The following ATP2B1 variants were observed in gnomAD, a reference collection of about 807,000 sequenced individuals.
ATP2B1 encodes the protein plasma membrane calcium-transporting ATPase 1.
Under a neutral mutation model 124.2 loss-of-function variants are expected in ATP2B1, and 14 were observed. That is an observed-to-expected ratio of 0.11 (90% confidence interval 0.07 to 0.18). ATP2B1 has a LOEUF of 0.18. Among genes scored for constraint, ATP2B1 ranks in the 10% least tolerant of loss-of-function variants. The pLI, the probability that ATP2B1 is intolerant of heterozygous loss-of-function variation, is 1.00. For synonymous variants in ATP2B1, 449 were observed against 492.4 expected (o/e 0.91, Z 1.17); for missense variants, 763 against 1,466.1 (o/e 0.52, Z 7.83).
At chr12:89,701,106 C>A (rs1296190289) in intron 1 of ATP2B1, among the ~76,000 whole-genome samples, 1 of 152,190 alleles carries the variant, frequency 6.6e-6, no homozygotes, top group Non-Finnish European at 1.5e-5. Flanking sequence ...CATTGCTATA[C>A]TCTAATACAG....
At chr12:89,660,408 A>T (rs142838640) in intron 1 of ATP2B1, among the ~76,000 whole-genome samples, 30 of 152,330 alleles carry the variant, frequency 2.0e-4, no homozygotes, top group African/African-American at 6.7e-4. Context: ...CAAATATGGC[A>T]TATAAGAAAT....
At chr12:89,605,804 G>GGCTA (rs1876723517) in intron 15 of ATP2B1, among the ~76,000 whole-genome samples, 1 of 152,150 alleles carries the variant, frequency 6.6e-6, no homozygotes, top group Admixed American at 6.5e-5. Context: ...TGTGCAGCAA[G>GGCTA]GCTAGCAAAC....
At chr12:89,652,551 G>C (rs921347667) in intron 2 of ATP2B1, among the ~76,000 whole-genome samples, 3 of 152,158 alleles carry the variant, frequency 2.0e-5, no homozygotes, top group Non-Finnish European at 2.9e-5. Flanking sequence ...TAACGAAAGA[G>C]TACTTGCTGT....
intron 1 of ATP2B1, among the ~76,000 whole-genome samples, chr12:89,664,761 T>G (rs1257165495): frequency 6.6e-6 from 1 of 152,118 alleles, no homozygotes; most frequent in Non-Finnish European, 1.5e-5. Context: ...CAACCTTGAC[T>G]AGGGAACAAA....
chr12:89,678,300 A>T (rs1267088951), intron 1 of ATP2B1, among the ~76,000 whole-genome samples: 1 of 152,108 alleles, frequency 6.6e-6, no homozygotes, highest in African/African-American at 2.4e-5. Flanking sequence ...ATATTTTTTG[A>T]AGTGGCCATT....
At chr12:89,622,098 G>A (rs974196821) in intron 9 of ATP2B1, among the ~76,000 whole-genome samples, 5 of 151,858 alleles carry the variant, frequency 3.3e-5, no homozygotes, top group African/African-American at 9.7e-5. Flanking sequence ...TGTCTCCAAC[G>A]GTTTTTGCAA....
At position 89,610,586 on chromosome 12, in the gene ATP2B1, A is replaced by G; in HGVS notation, c.2248-78T>C. On this transcript the variant is annotated intron_variant, in intron 13 of 20. Coordinates refer to ENST00000428670, the MANE Select transcript of ATP2B1 (RefSeq NM_001366521.1). ...TAATGAGCTATCTGGCATATTTATC[A>G]GTAGCTCTCAAAGTGTGGTCCACAG... 4 of 1,162,662 alleles carry G rather than the reference A, an allele frequency of 3.4e-6. No homozygotes were observed. The East Asian group carries it at 9.4e-5, about 27-fold the overall frequency. 72.0% of individuals were successfully genotyped at this position (1,162,662 alleles called of 1,614,324 possible).
chr12:89,648,862 T>A (rs1211197106), intron 2 of ATP2B1, among the ~76,000 whole-genome samples: 1 of 152,246 alleles, frequency 6.6e-6, no homozygotes, highest in Non-Finnish European at 1.5e-5. Flanking sequence ...CCCTGCATCC[T>A]GGCTGCTCTG....
chr12:89,620,344 A>G (rs1423621133), intron 10 of ATP2B1, 104 bp from the exon 11 acceptor site: 1 of 1,330,082 alleles, frequency 7.5e-7, no homozygotes, highest in Non-Finnish European at 1.0e-6. Flanking sequence ...TTACAAAGCA[A>G]TTGTCTAATA....
intron 19 of ATP2B1, among the ~76,000 whole-genome samples, chr12:89,600,597 G>A (rs963274820): frequency 6.6e-6 from 1 of 150,742 alleles, no homozygotes; most frequent in African/African-American, 2.4e-5. Context: ...TCTAAGGTCA[G>A]TTTTTCCTAT....
chr12:89,702,883 TG>T lies in ATP2B1; in HGVS notation c.-222+5712del, dbSNP rs1396704634. On this transcript the variant is annotated intron_variant, in intron 1 of 20. Transcript: ENST00000428670. Reference sequence around the variant, plus strand: ...AACACCACATACGATTTGGAATAGCTGACACTGTCCTAGGAAAAATTTAATA... The same window carrying T: ...AACACCACATACGATTTGGAATAGCTACACTGTCCTAGGAAAAATTTAATA... Among the ~76,000 whole-genome samples, 8 of 152,272 alleles carry T rather than the reference TG, an allele frequency of 5.3e-5. No individual in the cohort carries two copies. The East Asian group carries it at 1.5e-3, about 29-fold the overall frequency.
At chr12:89,665,047 T>C (rs898122599) in intron 1 of ATP2B1, among the ~76,000 whole-genome samples, 3 of 152,122 alleles carry the variant, frequency 2.0e-5, no homozygotes. Context: ...GTCAGGATAG[T>C]CTCGATCTCC....
intron 15 of ATP2B1, among the ~76,000 whole-genome samples, chr12:89,608,716 C>T (rs1328654889): frequency 6.6e-6 from 1 of 152,146 alleles, no homozygotes. Flanking sequence ...CCTTTCTGGT[C>T]AGCTGTCAGA....
At chr12:89,634,584 T>C (rs532096525) in intron 5 of ATP2B1, among the ~76,000 whole-genome samples, 194 bp downstream of exon 5, 7 of 152,296 alleles carry the variant, frequency 4.6e-5, no homozygotes, top group African/African-American at 1.4e-4. Context: ...TTGTAAAATA[T>C]AGCTCTGCAT....
Position 89,624,222 on chromosome 12 carries a change from A to T in ATP2B1, c.1305T>A (p.Leu435=). 2 of 1,614,160 alleles carry T rather than the reference A, an allele frequency of 1.2e-6. No individual in the cohort carries two copies. Among genetic ancestry groups the T allele is most frequent in the Non-Finnish European group, 1.7e-6 (2 of 1,180,018 alleles). Residue 435 remains leucine, a synonymous_variant, in exon 9 of 21, where the codon CTT becomes CTA. Coordinates refer to ENST00000428670, the MANE Select transcript of ATP2B1 (RefSeq NM_001366521.1). The part of the protein sequence containing the change: ...TVLVVAVPEG[L]PLAVTISLAY... ...CCAGTGAGATCGTGACTGCAAGTGG[A>T]AGACCTTCTGGCACTGCGACCACTA...
At chr12:89,649,153 C>A (rs1036357635) in intron 2 of ATP2B1, among the ~76,000 whole-genome samples, 3 of 152,244 alleles carry the variant, frequency 2.0e-5, no homozygotes, top group Admixed American at 6.5e-5. Context: ...AAAGTCCCCC[C>A]ACTAGGGCAC....
At chr12:89,704,683 G>A (rs1207117713) in intron 1 of ATP2B1, among the ~76,000 whole-genome samples, 1 of 152,122 alleles carries the variant, frequency 6.6e-6, no homozygotes, top group Non-Finnish European at 1.5e-5. Flanking sequence ...ATTATTGTGA[G>A]AATCAAATGA....
intron 15 of ATP2B1, among the ~76,000 whole-genome samples, chr12:89,605,818 G>A (rs1373148984): frequency 1.3e-5 from 2 of 152,162 alleles, no homozygotes; most frequent in Non-Finnish European, 1.5e-5. Flanking sequence ...AGCAAACAGC[G>A]AGTGCAGATT....
intron 1 of ATP2B1, among the ~76,000 whole-genome samples, chr12:89,672,299 C>A (rs1040840661): frequency 6.6e-6 from 1 of 151,990 alleles, no homozygotes; most frequent in East Asian, 1.9e-4. Flanking sequence ...TATTAAAATA[C>A]CCAAATTAGC....
Sources: allele counts gnomAD v4.1 joint callset (sites outside exome capture counted in the v4.1 genomes callset), GRCh38; gene constraint gnomAD v4.1.1; transcripts MANE v1.5; gene names NCBI Gene and HGNC (gene_info 2026-07-23, HGNC 2026-07-21).